The following TRIOBP variants were observed in gnomAD, a reference collection of about 807,000 sequenced individuals.
TRIOBP encodes the protein TRIO and F-actin binding protein, also known as TRIO and F-actin-binding protein.
A neutral mutation model predicts 238.8 loss-of-function variants in TRIOBP; 169 were observed. The ratio of observed to expected loss-of-function variants is 0.71; its 90% CI spans 0.62 to 0.80. TRIOBP has a LOEUF of 0.80. TRIOBP is among the 30% of genes least tolerant of loss of function. TRIOBP has a pLI of 0.00. For missense variants in TRIOBP, 2,838 were observed against 3,122.6 expected (o/e 0.91, Z 2.17); for synonymous variants, 1,150 against 1,274.4 (o/e 0.90, Z 2.08).
intron 3 of TRIOBP, among the ~76,000 whole-genome samples, chr22:37,703,787 G>A (rs1044022823): frequency 2.6e-5 from 4 of 152,030 alleles, no homozygotes; most frequent in Admixed American, 6.6e-5. Context: ...TTACAGGCAT[G>A]AGCCACCGCG....
At chr22:37,765,018 C>G (rs549718726) in intron 17 of TRIOBP, among the ~76,000 whole-genome samples, 1 of 152,330 alleles carries the variant, frequency 6.6e-6, no homozygotes, top group Admixed American at 6.5e-5. Flanking sequence ...CACAGTGGCT[C>G]ATGCCTGTAA....
At chr22:37,755,693 G>A in intron 15 of TRIOBP, 34 bp downstream of exon 15, 1 of 1,596,900 alleles carries the variant, frequency 6.3e-7, no homozygotes, top group African/African-American at 1.3e-5. Context: ...CCTTGAGGGA[G>A]GCACTTACCC....
chr22:37,705,379 A>AAAAC (rs749259268), intron 3 of TRIOBP, among the ~76,000 whole-genome samples: 2 of 151,962 alleles, frequency 1.3e-5, no homozygotes, highest in African/African-American at 4.8e-5. Flanking sequence ...CTCTCAAAAC[A>AAAAC]AAACAAACAA....
rs186068710 is a variant in TRIOBP at position 37,713,600 on chromosome 22, C to A, written c.456+189C>A. Among the ~76,000 whole-genome samples the A allele has an allele frequency of 5.9e-5, 9 of 152,360 alleles. No individual in the cohort carries two copies. In the East Asian group the frequency reaches 1.7e-3, roughly 29 times the overall value. On this transcript the variant is annotated intron_variant, in intron 5 of 23. Transcript: ENST00000644935. ...TGGAGAGTGGGGATTTCTGCACAGG[C>A]TGGCCCAGGGCAGCTGGGGTCTGGC...
intron 11 of TRIOBP, among the ~76,000 whole-genome samples, chr22:37,743,945 G>T (rs1387336382): frequency 6.6e-6 from 1 of 151,472 alleles, no homozygotes; most frequent in Non-Finnish European, 1.5e-5. Flanking sequence ...GAACCATCAG[G>T]GGGTAGAAGG....
chr22:37,718,743 C>T (rs1380140146), intron 6 of TRIOBP, among the ~76,000 whole-genome samples: 1 of 151,416 alleles, frequency 6.6e-6, no homozygotes, highest in Non-Finnish European at 1.5e-5. Flanking sequence ...TTAAAAGAGA[C>T]TAACAGGATG....
At chr22:37,757,504 G>C in intron 15 of TRIOBP, 109 bp from the exon 16 acceptor site, 1 of 1,459,634 alleles carries the variant, frequency 6.9e-7, no homozygotes. Context: ...CCTGGGGTCT[G>C]TCTCCAGCCC....
In TRIOBP at chr22:37,772,592, GC is replaced by G. The variant is rs753571464; in HGVS notation, c.6937-3del. On this transcript the variant is annotated splice_polypyrimidine_tract_variant and splice_region_variant and intron_variant, in intron 22 of 23. Transcript: ENST00000644935. ...CTTCATGCCCTCATACCTGCCTCCT[GC>G]CCCCCAGGACAAGCGCTTCACCTCG... The G allele has an allele frequency of 6.2e-7, 1 of 1,613,964 alleles. No homozygotes were observed. Among genetic ancestry groups the G allele is most frequent in the Non-Finnish European group, 8.5e-7 (1 of 1,179,990 alleles).
At position 37,730,073 on chromosome 22, in the gene TRIOBP, T is replaced by C. The variant is rs12484065; in HGVS notation, c.3948-3225T>C. 3.2e-3 allele frequency among the ~76,000 whole-genome samples: 490 copies of C among 152,314 alleles called. 7 individuals are homozygous for C. Among genetic ancestry groups the C allele is most frequent in the Admixed American group, 0.028 (435 of 15,294 alleles). ...TTAATTTTTTTTTCCTTAGATGCCT[T>C]TGGCATCTCTTAGAGTCACGTAGCA... On this transcript the variant is annotated intron_variant, in intron 7 of 23. Coordinates refer to ENST00000644935, the MANE Select transcript of TRIOBP (RefSeq NM_001039141.3).
intron 5 of TRIOBP, among the ~76,000 whole-genome samples, chr22:37,714,062 G>T (rs1385938202): frequency 6.6e-6 from 1 of 152,162 alleles, no homozygotes; most frequent in Non-Finnish European, 1.5e-5. Context: ...TGTGGGCTCA[G>T]GGGAGACTCA....
rs1922638027 is a variant in TRIOBP at position 37,701,425 on chromosome 22, G to T, written c.60G>T (p.Gln20His). 2.5e-6 allele frequency: 4 copies of T among 1,613,896 alleles called. No homozygotes were observed. Among genetic ancestry groups the T allele is most frequent in the Non-Finnish European group, 3.4e-6 (4 of 1,179,962 alleles). The change falls in exon 3 of 24, where the codon CAG (glutamine) becomes CAT (histidine). Residue 20 changes from glutamine to histidine, a missense_variant. Physicochemically the swap from Gln to His is conservative, Grantham distance 24 (BLOSUM62 0). This residue lies in a region of TRIOBP where 535 missense variants were observed against 537.3 expected (regional missense o/e 1.00). Coordinates refer to ENST00000644935, the MANE Select transcript of TRIOBP (RefSeq NM_001039141.3). ...CEHFEANILT[Q>H]NRCQNCFHPE... ...ACTTTGAGGCCAACATACTTACCCA[G>T]AACCGCTGTCAAAACTGCTTCCACC...
In TRIOBP at chr22:37,724,391, G is replaced by A. The variant is rs779429937; in HGVS notation, c.1835G>A (p.Arg612Lys). The change falls in exon 7 of 24, where the codon AGA becomes AAA. Residue 612 changes from arginine (R) to lysine (K), a missense_variant. Physicochemically the swap from Arg to Lys is conservative, Grantham distance 26 (BLOSUM62 2). Coordinates refer to ENST00000644935, the MANE Select transcript of TRIOBP (RefSeq NM_001039141.3). ...CAGCGGGACAATCCCAGAGCCTCCA[G>A]AACCTCCTCTCCCAATAGAGCCACA... ...CAQRDNPRAS[R>K]TSSPNRATRD... is the part of the protein sequence containing the mutation. The A allele has an allele frequency of 1.2e-5, 17 of 1,472,232 alleles. No individual in the cohort carries two copies. The Admixed American group carries it at 3.0e-4, about 26-fold the overall frequency. 91.2% of individuals were successfully genotyped at this position (1,472,232 alleles called of 1,614,324 possible).
chr22:37,710,761 C>G (rs942135198), intron 4 of TRIOBP, among the ~76,000 whole-genome samples, 195 bp downstream of exon 4: 1 of 152,156 alleles, frequency 6.6e-6, no homozygotes, highest in Non-Finnish European at 1.5e-5. Flanking sequence ...TCAGATCACA[C>G]CACCCTGTTT....
At chr22:37,710,673 G>A in intron 4 of TRIOBP, 107 bp downstream of exon 4, 1 of 1,445,502 alleles carries the variant, frequency 6.9e-7, no homozygotes, top group South Asian at 1.3e-5. Context: ...ATGGCTGCTG[G>A]CATGGGTCAC....
chr22:37,739,367 C>G (rs1228030306), intron 10 of TRIOBP, among the ~76,000 whole-genome samples: 2 of 152,132 alleles, frequency 1.3e-5, no homozygotes, highest in African/African-American at 4.8e-5. Flanking sequence ...CTGTGTTTTC[C>G]GGTCCTGCTC....
chr22:37,717,922 A>G (rs1429968168), intron 6 of TRIOBP, among the ~76,000 whole-genome samples: 1 of 152,220 alleles, frequency 6.6e-6, no homozygotes, highest in African/African-American at 2.4e-5. Flanking sequence ...CGGGCTGCAC[A>G]GGAGCCCACG....
chr22:37,739,357 CTG>C (rs1054494053), intron 10 of TRIOBP, among the ~76,000 whole-genome samples: 1 of 152,130 alleles, frequency 6.6e-6, no homozygotes, highest in African/African-American at 2.4e-5. Context: ...CTGTTTGGGG[CTG>C]TGTTTTCCGG....
intron 21 of TRIOBP, among the ~76,000 whole-genome samples, chr22:37,771,266 T>G (rs1300566061): frequency 6.6e-6 from 1 of 152,162 alleles, no homozygotes; most frequent in Non-Finnish European, 1.5e-5. Flanking sequence ...CTTGGTCAAG[T>G]CAGCAGCACC....
chr22:37,756,803 G>C (rs183360799), intron 15 of TRIOBP, among the ~76,000 whole-genome samples: 1 of 152,230 alleles, frequency 6.6e-6, no homozygotes, highest in Non-Finnish European at 1.5e-5. Context: ...TGTGGATAAA[G>C]AGAATTGCCA....
Sources: gnomAD v4.1 joint callset for allele counts (sites outside exome capture counted in the v4.1 genomes callset) on GRCh38, gnomAD v4.1.1 for gene constraint, gnomAD v4.1.1 regional missense constraint, MANE v1.5 for transcripts, NCBI Gene and HGNC (gene_info 2026-07-23, HGNC 2026-07-21) for gene names.